The following STIL variants were observed in gnomAD, a reference collection of about 807,000 sequenced individuals.
The protein encoded by STIL is SCL-interrupting locus protein.
STIL carries 55 observed loss-of-function variants against 110.1 expected under a neutral mutation model. The ratio of observed to expected loss-of-function variants is 0.50; its 90% CI spans 0.40 to 0.63. The LOEUF (loss-of-function observed/expected upper bound fraction) is 0.63, where lower values mean the gene tolerates loss of function less well. STIL is among the 20% of genes least tolerant of loss of function. STIL has a pLI of 0.00. For synonymous variants in STIL, 481 were observed against 530.0 expected (o/e 0.91, Z 1.27); for missense variants, 1,358 against 1,530.0 (o/e 0.89, Z 1.87).
intron 14 of STIL, among the ~76,000 whole-genome samples, chr1:47,263,785 C>A (rs1644556055): frequency 7.7e-6 from 1 of 129,300 alleles, no homozygotes; most frequent in Admixed American, 8.6e-5. Context: ...CAGAGTCTCA[C>A]CATGTCACCC....
chr1:47,270,383 C>T (rs905241691), intron 13 of STIL, among the ~76,000 whole-genome samples: 7 of 150,988 alleles, frequency 4.6e-5, no homozygotes, highest in South Asian at 2.1e-4. Flanking sequence ...CACTAGGGGA[C>T]GGGTCGGGTG....
At position 47,289,434 on chromosome 1, in the gene STIL, C is replaced by T; in HGVS notation, c.1023+1G>A. On this transcript the variant is annotated splice_donor_variant, in intron 9 of 16. Transcript: ENST00000371877. LOFTEE classifies it high-confidence loss of function. Reference sequence around the variant, plus strand: ...ATGTACTAGACAATGAAATCACTTACTTTGAAAAGATGTAATGTTTCCTTA... The same window carrying T: ...ATGTACTAGACAATGAAATCACTTATTTTGAAAAGATGTAATGTTTCCTTA... 6.2e-7 allele frequency: 1 copy of T among 1,613,682 alleles called. No homozygotes were observed. Among genetic ancestry groups the T allele is most frequent in the Non-Finnish European group, 8.5e-7 (1 of 1,179,718 alleles).
At chr1:47,277,484 C>T (rs1308665824) in intron 12 of STIL, among the ~76,000 whole-genome samples, 1 of 152,094 alleles carries the variant, frequency 6.6e-6, no homozygotes, top group Non-Finnish European at 1.5e-5. Flanking sequence ...AACAAACAAA[C>T]AACGACGGTA....
rs12409300 is a variant in STIL at position 47,271,813 on chromosome 1, A to C, written c.2383+263T>G. Among the ~76,000 whole-genome samples the C allele has an allele frequency of 0.27, 40,964 of 151,454 alleles. 5,817 individuals carry two copies. Among genetic ancestry groups the C allele is most frequent in the Non-Finnish European group, 0.31 (21,304 of 67,856 alleles). On this transcript the variant is annotated intron_variant, in intron 13 of 16. Transcript: ENST00000371877. ...AACACAGCGAGACTCCATTTCAAAAAAAAAAACAAAAAACAAAAAAAAAAC... is the reference window on the plus strand; with the variant it reads ...AACACAGCGAGACTCCATTTCAAAACAAAAAACAAAAAACAAAAAAAAAAC...
intron 12 of STIL, among the ~76,000 whole-genome samples, 153 bp downstream of exon 12, chr1:47,280,088 G>A (rs527598241): frequency 2.8e-4 from 42 of 152,288 alleles, no homozygotes; most frequent in African/African-American, 9.4e-4. Context: ...TTACTTACCT[G>A]TAAAACAAGA....
intron 16 of STIL, among the ~76,000 whole-genome samples, chr1:47,252,593 G>C (rs1644215766): frequency 6.6e-6 from 1 of 151,992 alleles, no homozygotes; most frequent in Admixed American, 6.6e-5. Context: ...AGCCCAAACA[G>C]CACAAGAGAT....
chr1:47,299,502 C>T (rs1211510780), intron 6 of STIL, among the ~76,000 whole-genome samples: 2 of 151,072 alleles, frequency 1.3e-5, no homozygotes, highest in Non-Finnish European at 2.9e-5. Context: ...AAGTGATCCT[C>T]CTGCCTCAAC....
intron 12 of STIL, among the ~76,000 whole-genome samples, chr1:47,277,858 A>C (rs1487006966): frequency 1.3e-5 from 2 of 152,168 alleles, no homozygotes; most frequent in African/African-American, 4.8e-5. Context: ...AAATTAAAAC[A>C]AAAAACAAAA....
intron 12 of STIL, among the ~76,000 whole-genome samples, chr1:47,274,383 G>A (rs1644926024): frequency 6.7e-6 from 1 of 149,104 alleles, no homozygotes; most frequent in African/African-American, 2.5e-5. Flanking sequence ...CCAGGCTGGA[G>A]TGCAGTGGCG....
chr1:47,302,355 C>T lies in STIL; in HGVS notation c.153-9G>A. ...CCACAAGCTTTGGATTTCTGAAAAACAACAAGTCTTTTATGAATATGGTAG... is the reference window on the plus strand; with the variant it reads ...CCACAAGCTTTGGATTTCTGAAAAATAACAAGTCTTTTATGAATATGGTAG... On this transcript the variant is annotated splice_polypyrimidine_tract_variant and intron_variant, in intron 3 of 16. Coordinates refer to ENST00000371877, the MANE Select transcript of STIL (RefSeq NM_001048166.1). 2 of 1,605,464 alleles carry T rather than the reference C, an allele frequency of 1.2e-6. No individual in the cohort carries two copies. Among genetic ancestry groups the T allele is most frequent in the Admixed American group, 1.7e-5 (1 of 59,988 alleles).
At chr1:47,279,176 C>G in intron 12 of STIL, among the ~76,000 whole-genome samples, 1 of 151,416 alleles carries the variant, frequency 6.6e-6, no homozygotes, top group East Asian at 2.0e-4. Flanking sequence ...CCAGCTACTC[C>G]GGCGGCTGAG....
Position 47,296,335 on chromosome 1 carries a change from C to A in STIL, c.702-487G>T, listed in dbSNP as rs145876401. Among the ~76,000 whole-genome samples the A allele has an allele frequency of 1.5e-3, 229 of 152,258 alleles. 1 individual carries two copies. The highest frequency in any genetic ancestry group is 5.3e-3 in the African/African-American group (219 of 41,536). ...CCTTCCATGTGCCATATTCCTCCAA[C>A]CACTGTCAAAGGACTTTGGAACCAT... On this transcript the variant is annotated intron_variant, in intron 6 of 16. Coordinates refer to ENST00000371877, the MANE Select transcript of STIL (RefSeq NM_001048166.1).
intron 14 of STIL, among the ~76,000 whole-genome samples, chr1:47,265,249 A>AAAAAAAC (rs1644608785): frequency 1.3e-5 from 2 of 150,222 alleles, no homozygotes; most frequent in East Asian, 1.9e-4. Context: ...AAAAAAAAAA[A>AAAAAAAC]AAAAAAAAAA....
chr1:47,273,060 A>G (rs1168194310), intron 12 of STIL, among the ~76,000 whole-genome samples: 1 of 152,206 alleles, frequency 6.6e-6, no homozygotes, highest in Non-Finnish European at 1.5e-5. Context: ...TCTGAAGACT[A>G]TATTACAATT....
At chr1:47,284,766 T>C (rs1296147990) in intron 10 of STIL, among the ~76,000 whole-genome samples, 1 of 152,062 alleles carries the variant, frequency 6.6e-6, no homozygotes, top group Non-Finnish European at 1.5e-5. Flanking sequence ...GATGCACACC[T>C]GTAATCCCAG....
chr1:47,252,618 T>C (rs1036450855), intron 16 of STIL, among the ~76,000 whole-genome samples: 2 of 152,180 alleles, frequency 1.3e-5, no homozygotes, highest in African/African-American at 2.4e-5. Context: ...TAATGTTTAA[T>C]GTAAAGTAAA....
chr1:47,272,922 C>T (rs1217957965), intron 12 of STIL, among the ~76,000 whole-genome samples: 1 of 152,110 alleles, frequency 6.6e-6, no homozygotes, highest in Non-Finnish European at 1.5e-5. Context: ...AAAGGTAAAT[C>T]AGAATTGCCC....
chr1:47,306,372 G>A (rs1645962350), intron 2 of STIL, among the ~76,000 whole-genome samples: 1 of 151,000 alleles, frequency 6.6e-6, no homozygotes, highest in Admixed American at 6.6e-5. Context: ...GCTCAAGGGA[G>A]CCTCTCAAGC....
intron 6 of STIL, among the ~76,000 whole-genome samples, chr1:47,296,421 A>C (rs147986578): frequency 1.3e-5 from 2 of 152,184 alleles, no homozygotes; most frequent in Admixed American, 1.3e-4. Flanking sequence ...ATATTTTATT[A>C]TATTTATTAT....
Sources: allele counts gnomAD v4.1 joint callset (sites outside exome capture counted in the v4.1 genomes callset), GRCh38; gene constraint gnomAD v4.1.1; transcripts MANE v1.5; gene names NCBI Gene and HGNC (gene_info 2026-07-23, HGNC 2026-07-21).